CNTNAP2: variants seen among roughly 807,000 people sequenced by gnomAD.
CNTNAP2 encodes contactin associated protein 2.
CNTNAP2 carries 98 observed loss-of-function variants against 155.2 expected under a neutral mutation model. The ratio of observed to expected loss-of-function variants is 0.63; its 90% confidence interval spans 0.54 to 0.75. The LOEUF (loss-of-function observed/expected upper bound fraction) is 0.75, where lower values mean the gene tolerates loss of function less well. Ranked by LOEUF, CNTNAP2 falls within the 30% of genes least tolerant of loss-of-function variation. The pLI is 0.00. For missense variants in CNTNAP2, 1,727 were observed against 1,688.1 expected (o/e 1.02, Z -0.40); for synonymous variants, 651 against 631.2 (o/e 1.03, Z -0.47).
At chr7:147,254,985 T>C (rs775851170) in intron 8 of CNTNAP2, among the ~76,000 whole-genome samples, 3 of 152,194 alleles carry the variant, frequency 2.0e-5, no homozygotes, top group Non-Finnish European at 4.4e-5. Flanking sequence ...AAGTTATAAT[T>C]GCAATCATGT....
chr7:146,404,520 T>A (rs1795763079), intron 1 of CNTNAP2, among the ~76,000 whole-genome samples: 2 of 152,208 alleles, frequency 1.3e-5, no homozygotes, highest in South Asian at 2.1e-4. Context: ...TCTCATTTTT[T>A]TCCTCCTCCA....
chr7:148,111,140 C>T (rs1403047980), intron 15 of CNTNAP2, among the ~76,000 whole-genome samples: 4 of 152,272 alleles, frequency 2.6e-5, no homozygotes, highest in Middle Eastern at 6.8e-3. Flanking sequence ...TAGTACTTGA[C>T]TGTTCGGTAT....
At chr7:147,281,910 C>T (rs1427274642) in intron 8 of CNTNAP2, among the ~76,000 whole-genome samples, 1 of 151,750 alleles carries the variant, frequency 6.6e-6, no homozygotes, top group Non-Finnish European at 1.5e-5. Context: ...CAGCAGGTAG[C>T]TACTAGCTAC....
chr7:147,876,084 A>G (rs1335174758), intron 13 of CNTNAP2, among the ~76,000 whole-genome samples: 1 of 152,262 alleles, frequency 6.6e-6, no homozygotes, highest in Non-Finnish European at 1.5e-5. Flanking sequence ...TCCAACTTAT[A>G]TAAAAGAATG....
chr7:146,642,229 A>T (rs935213085), intron 1 of CNTNAP2, among the ~76,000 whole-genome samples: 1 of 151,728 alleles, frequency 6.6e-6, no homozygotes, highest in African/African-American at 2.4e-5. Flanking sequence ...ACATATGTAT[A>T]CATGTGCCAT....
At chr7:147,332,903 C>A (rs1260165497) in intron 9 of CNTNAP2, among the ~76,000 whole-genome samples, 2 of 151,996 alleles carry the variant, frequency 1.3e-5, no homozygotes, top group Non-Finnish European at 2.9e-5. Context: ...GGGTTGGTTT[C>A]TATTTATTTA....
chr7:148,392,314 C>T (rs1022154822), intron 22 of CNTNAP2, among the ~76,000 whole-genome samples: 12 of 146,232 alleles, frequency 8.2e-5, no homozygotes, highest in Middle Eastern at 3.6e-3. Flanking sequence ...CCTCGTGATC[C>T]GCCCGCCTCA....
intron 1 of CNTNAP2, among the ~76,000 whole-genome samples, chr7:146,507,481 A>G (rs569545161): frequency 6.6e-6 from 1 of 152,186 alleles, no homozygotes. Flanking sequence ...GTTTTTGTCA[A>G]CTGATACAAT....
intron 20 of CNTNAP2, among the ~76,000 whole-genome samples, chr7:148,252,969 G>C (rs1455444154): frequency 2.6e-5 from 4 of 151,618 alleles, no homozygotes; most frequent in Non-Finnish European, 4.4e-5. Context: ...ATGAGAATTT[G>C]GGGGTGATCC....
chr7:146,668,573 G>C (rs905897267), intron 1 of CNTNAP2, among the ~76,000 whole-genome samples: 2 of 151,932 alleles, frequency 1.3e-5, no homozygotes, highest in African/African-American at 2.4e-5. Flanking sequence ...AGAATGATTT[G>C]TATTAATTCT....
At chr7:148,109,813 A>T (rs1804307466) in intron 15 of CNTNAP2, among the ~76,000 whole-genome samples, 1 of 152,160 alleles carries the variant, frequency 6.6e-6, no homozygotes. Flanking sequence ...GACATAAGTG[A>T]CTCACTTCTT....
chr7:146,589,268 A>G (rs1359752396), intron 1 of CNTNAP2, among the ~76,000 whole-genome samples: 1 of 152,220 alleles, frequency 6.6e-6, no homozygotes, highest in African/African-American at 2.4e-5. Context: ...ACTCACTGCT[A>G]TAAAAAACAA....
intron 1 of CNTNAP2, among the ~76,000 whole-genome samples, chr7:146,554,684 C>T (rs1039237770): frequency 1.3e-5 from 2 of 152,200 alleles, no homozygotes; most frequent in African/African-American, 4.8e-5. Flanking sequence ...ACACAGCTCA[C>T]AGGCTGGCCG....
intron 1 of CNTNAP2, among the ~76,000 whole-genome samples, chr7:146,737,736 G>T (rs1039650784): frequency 6.6e-6 from 1 of 151,844 alleles, no homozygotes; most frequent in Non-Finnish European, 1.5e-5. Context: ...CAGATATTTT[G>T]TCTTTTGTCT....
At chr7:147,000,189 A>G (rs969849160) in intron 3 of CNTNAP2, among the ~76,000 whole-genome samples, 3 of 151,532 alleles carry the variant, frequency 2.0e-5, no homozygotes, top group African/African-American at 7.3e-5. Context: ...ATTTGTTGTA[A>G]TTTTTAGCTC....
At chr7:148,046,915 A>T (rs1401231186) in intron 15 of CNTNAP2, among the ~76,000 whole-genome samples, 1 of 152,220 alleles carries the variant, frequency 6.6e-6, no homozygotes, top group Non-Finnish European at 1.5e-5. Context: ...TTTTGGGAAT[A>T]CAAAAGCTTT....
intron 16 of CNTNAP2, among the ~76,000 whole-genome samples, chr7:148,126,512 G>T (rs1045052639): frequency 6.6e-6 from 1 of 152,206 alleles, no homozygotes; most frequent in Non-Finnish European, 1.5e-5. Context: ...TGGAACTCAC[G>T]ATTTCACAGG....
At chr7:147,346,127 GATTTT>G (rs562305540) in intron 9 of CNTNAP2, among the ~76,000 whole-genome samples, 1 of 93,566 alleles carries the variant, frequency 1.1e-5, no homozygotes. Flanking sequence ...CATAATCGAA[GATTTT>G]ATTTTATTTT....
At chr7:146,259,656 A>G (rs1799891041) in intron 1 of CNTNAP2, among the ~76,000 whole-genome samples, 1 of 152,202 alleles carries the variant, frequency 6.6e-6, no homozygotes, top group Non-Finnish European at 1.5e-5. Flanking sequence ...GCAACAAAGC[A>G]TTGAAGACGT....
Sources: allele counts gnomAD v4.1 joint callset (sites outside exome capture counted in the v4.1 genomes callset), GRCh38; gene constraint gnomAD v4.1.1; transcripts MANE v1.5; gene names NCBI Gene and HGNC (gene_info 2026-07-23, HGNC 2026-07-21).